The following DSE variants were observed in gnomAD, a reference collection of about 807,000 sequenced individuals.
DSE encodes dermatan-sulfate epimerase.
DSE carries 36 observed loss-of-function variants against 84.4 expected under a neutral mutation model. The observed-to-expected ratio is 0.43, with a 90% CI of 0.33 to 0.56. The LOEUF is 0.56. DSE is among the 20% of genes least tolerant of loss of function. The pLI, the probability that DSE is intolerant of heterozygous loss-of-function variation, is 0.06. For synonymous variants in DSE, 410 were observed against 430.1 expected (o/e 0.95, Z 0.58); for missense variants, 862 against 1,169.6 (o/e 0.74, Z 3.84).
At chr6:116,327,045 C>G (rs1776665271) in intron 2 of DSE, among the ~76,000 whole-genome samples, 1 of 152,166 alleles carries the variant, frequency 6.6e-6, no homozygotes, top group South Asian at 2.1e-4. Context: ...TAGAAGCCTT[C>G]TAACTCGAGC....
intron 2 of DSE, chr6:116,277,809 G>A (rs925876728): frequency 6.6e-6 from 1 of 151,310 alleles, no homozygotes; most frequent in Non-Finnish European, 1.5e-5. Context: ...GGCTGAGGCA[G>A]GAGAATCGCT....
At chr6:116,278,313 T>G (rs965515679) in intron 2 of DSE, 2 of 622,280 alleles carry the variant, frequency 3.2e-6, no homozygotes, top group East Asian at 5.8e-5. Flanking sequence ...CAGAACAGCA[T>G]GAAGGTCATA....
chr6:116,283,906 A>G (rs2073207), intron 2 of DSE, among the ~76,000 whole-genome samples: 5,823 of 152,306 alleles, frequency 0.038, 175 homozygotes, highest in African/African-American at 0.077. Flanking sequence ...AAATTATCTT[A>G]CAAAAACAAC....
intron 2 of DSE, among the ~76,000 whole-genome samples, chr6:116,406,220 G>A (rs772960563): frequency 1.4e-4 from 21 of 152,140 alleles, no homozygotes; most frequent in Non-Finnish European, 2.8e-4. Flanking sequence ...CAACATGGGC[G>A]GGCTTTCAGA....
chr6:116,326,072 C>T (rs994678723), intron 2 of DSE, among the ~76,000 whole-genome samples: 1 of 152,118 alleles, frequency 6.6e-6, no homozygotes, highest in Non-Finnish European at 1.5e-5. Flanking sequence ...GGTCAGGGGT[C>T]GATCTTTAAC....
At chr6:116,258,272 T>G (rs541605156) in intron 1 of DSE, among the ~76,000 whole-genome samples, 22 of 152,244 alleles carry the variant, frequency 1.4e-4, no homozygotes, top group African/African-American at 5.3e-4. Context: ...CGCCTTGGCC[T>G]CTCAAAGAGC....
At position 116,339,615 on chromosome 6, in the gene DSE, T is replaced by A. The variant is rs1035736488; in HGVS notation, c.-53-59583T>A. ...TCCAGTTACTGCTGTAGGATCAATC[T>A]GGGTGAGCAAGTAATGAAAGCCTGA... On this transcript the variant is annotated intron_variant, in intron 2 of 3. Coordinates refer to the DSE transcript ENST00000430252. Among the ~76,000 whole-genome samples, 52 of 152,188 alleles carry A rather than the reference T, an allele frequency of 3.4e-4. 1 individual carries two copies. The highest frequency in any genetic ancestry group is 3.4e-3 in the Admixed American group (52 of 15,276).
At chr6:116,391,723 C>T (rs923471081) in intron 1 of DSE, among the ~76,000 whole-genome samples, 1 of 150,234 alleles carries the variant, frequency 6.7e-6, no homozygotes, top group African/African-American at 2.5e-5. Context: ...CAAGATTGCT[C>T]CACTGCACTC....
chr6:116,401,501 A>G (rs549869296), intron 2 of DSE, among the ~76,000 whole-genome samples: 8 of 152,188 alleles, frequency 5.3e-5, no homozygotes, highest in Non-Finnish European at 8.8e-5. Flanking sequence ...ATTTACCTTT[A>G]CATCTGGTTT....
At chr6:116,430,844 G>A (rs889263430) in intron 3 of DSE, 110 bp from the exon 4 acceptor site, 23 of 1,462,010 alleles carry the variant, frequency 1.6e-5, no homozygotes, top group Admixed American at 8.8e-5. Context: ...TACAAAACGC[G>A]ATTTGTAATA....
At chr6:116,270,873 C>T (rs765901346) in intron 2 of DSE, among the ~76,000 whole-genome samples, 5 of 152,160 alleles carry the variant, frequency 3.3e-5, no homozygotes, top group Non-Finnish European at 7.3e-5. Context: ...ATGTTACCTT[C>T]GTCTTGGATA....
At chr6:116,329,395 A>G (rs62423855) in intron 2 of DSE, among the ~76,000 whole-genome samples, 32,275 of 152,178 alleles carry the variant, frequency 0.21, 3,675 homozygotes, top group East Asian at 0.29. Flanking sequence ...ATTTTACCAA[A>G]TATGATAGAA....
chr6:116,400,601 A>T (rs1424524327), intron 2 of DSE: 1 of 152,214 alleles, frequency 6.6e-6, no homozygotes, highest in Non-Finnish European at 1.5e-5. Context: ...AAATTTCTGG[A>T]ATTTTGTAAT....
At chr6:116,348,054 A>G (rs766100381) in intron 2 of DSE, among the ~76,000 whole-genome samples, 1 of 152,244 alleles carries the variant, frequency 6.6e-6, no homozygotes, top group Middle Eastern at 3.2e-3. Flanking sequence ...AATGGTCATC[A>G]TCACTGGCCA....
intron 2 of DSE, among the ~76,000 whole-genome samples, chr6:116,413,661 T>A (rs1782521842): frequency 6.6e-6 from 1 of 152,230 alleles, no homozygotes; most frequent in Non-Finnish European, 1.5e-5. Flanking sequence ...CTGGATTTTA[T>A]GAAGCTCTGC....
At chr6:116,403,306 T>G (rs1781714665) in intron 2 of DSE, among the ~76,000 whole-genome samples, 1 of 152,044 alleles carries the variant, frequency 6.6e-6, no homozygotes, top group South Asian at 2.1e-4. Flanking sequence ...GTTTTAAAAG[T>G]AAAATTAAAA....
intron 2 of DSE, among the ~76,000 whole-genome samples, chr6:116,348,816 T>C (rs1778148865): frequency 6.6e-6 from 1 of 152,184 alleles, no homozygotes; most frequent in South Asian, 2.1e-4. Context: ...TGAGTTCATG[T>C]CCTTTGTAGG....
rs142650304 is a variant in DSE, at chr6:116,443,864, T to C, written c.*6519T>C. 1 of 152,312 alleles carries C rather than the reference T, an allele frequency of 6.6e-6. No individual in the cohort carries two copies. The highest frequency in any genetic ancestry group is 1.5e-5 in the Non-Finnish European group (1 of 68,024). 9.4% of individuals were successfully genotyped at this position (152,312 alleles called of 1,614,324 possible). A position where few individuals can be genotyped will look rare whatever the true frequency, so the allele number is the denominator to read the frequency against. ...GCACTTCCTTTTTCTTCCAAAGAAA[T>C]GGTAATAACAGGACACTAGAAGTAC... On this transcript the variant is annotated 3_prime_UTR_variant, in exon 6 of 6. Coordinates refer to ENST00000644252, the MANE Select transcript of DSE (RefSeq NM_013352.4).
chr6:116,370,904 C>T (rs1779500349), upstream of DSE: 1 of 985,644 alleles, frequency 1.0e-6, no homozygotes, highest in Non-Finnish European at 1.2e-6. Flanking sequence ...CCTCCCTCCG[C>T]CCCTTTCGCC....
Sources: gnomAD v4.1 joint callset for allele counts (sites outside exome capture counted in the v4.1 genomes callset) on GRCh38, gnomAD v4.1.1 for gene constraint, MANE v1.5 for transcripts, NCBI Gene and HGNC (gene_info 2026-07-23, HGNC 2026-07-21) for gene names.